The following ZNF407 variants were observed in gnomAD, a reference collection of about 807,000 sequenced individuals.
ZNF407 encodes zinc finger protein 407.
A neutral mutation model predicts 131.2 loss-of-function variants in ZNF407; 17 were observed. That is an observed-to-expected ratio of 0.13 (90% CI 0.09 to 0.19). The LOEUF is 0.19. Ranked by LOEUF, ZNF407 falls within the 10% of genes least tolerant of loss-of-function variation. ZNF407 has a pLI of 1.00. For missense variants in ZNF407, 2,681 were observed against 2,830.6 expected, an observed-to-expected ratio of 0.95 and a Z score of 1.20; for synonymous variants, 1,156 against 1,062.0, an observed-to-expected ratio of 1.09 and a Z score of -1.72.
intron 8 of ZNF407, among the ~76,000 whole-genome samples, chr18:74,993,392 G>A (rs1166952735): frequency 1.3e-5 from 2 of 152,206 alleles, no homozygotes; most frequent in Admixed American, 6.5e-5. Flanking sequence ...AGACACAGAA[G>A]AGTGCACTCT....
chr18:74,637,123 A>T (rs946197121), intron 2 of ZNF407, among the ~76,000 whole-genome samples: 1 of 152,232 alleles, frequency 6.6e-6, no homozygotes, highest in African/African-American at 2.4e-5. Context: ...TAAGTCTTGT[A>T]AATGTGTTAA....
At chr18:75,046,499 G>A (rs762895154) in intron 8 of ZNF407, among the ~76,000 whole-genome samples, 2 of 152,166 alleles carry the variant, frequency 1.3e-5, no homozygotes, top group African/African-American at 2.4e-5. Context: ...ATATTGTGAA[G>A]TTCTTGGGGA....
At chr18:74,772,110 C>T (rs1249280997) in intron 3 of ZNF407, among the ~76,000 whole-genome samples, 1 of 152,130 alleles carries the variant, frequency 6.6e-6, no homozygotes, top group Non-Finnish European at 1.5e-5. Flanking sequence ...AGCTTCTTTG[C>T]CCCATTTTCT....
At chr18:74,964,179 A>T (rs1312247158) in intron 8 of ZNF407, among the ~76,000 whole-genome samples, 1 of 152,212 alleles carries the variant, frequency 6.6e-6, no homozygotes, top group African/African-American at 2.4e-5. Flanking sequence ...TGTCGTGTAC[A>T]TGGATCCCTG....
intron 4 of ZNF407, among the ~76,000 whole-genome samples, chr18:74,837,344 C>T (rs1028664858): frequency 6.6e-6 from 1 of 151,366 alleles, no homozygotes; most frequent in East Asian, 1.9e-4. Flanking sequence ...AAGAATGGAA[C>T]AATATAGAAA....
At chr18:74,839,976 TG>T (rs1401165102) in intron 4 of ZNF407, among the ~76,000 whole-genome samples, 3 of 152,128 alleles carry the variant, frequency 2.0e-5, no homozygotes, top group Non-Finnish European at 4.4e-5. Flanking sequence ...AATTGAGTTT[TG>T]TGGGGAAATT....
At position 74,669,415 on chromosome 18, in the gene ZNF407, G is replaced by A. The variant is rs147903796; in HGVS notation, c.4802+28293G>A. 2.3e-3 allele frequency among the ~76,000 whole-genome samples: 354 copies of A among 152,162 alleles called. 2 individuals are homozygous for A. Among genetic ancestry groups the A allele is most frequent in the African/African-American group, 7.9e-3 (330 of 41,526 alleles). ...GTGGTCCTATGGATCCACTACCAGC[G>A]GTGGTGGGAAGGTACTCCCCCACCC... On this transcript the variant is annotated intron_variant, in intron 3 of 8. Transcript: ENST00000299687.
At chr18:74,838,006 T>G (rs1036187807) in intron 4 of ZNF407, among the ~76,000 whole-genome samples, 11 of 152,194 alleles carry the variant, frequency 7.2e-5, no homozygotes, top group Admixed American at 2.0e-4. Flanking sequence ...CCCTTTACTG[T>G]TCACTACATT....
At chr18:74,911,402 A>G (rs1404433102) in intron 7 of ZNF407, among the ~76,000 whole-genome samples, 2 of 152,234 alleles carry the variant, frequency 1.3e-5, no homozygotes, top group Non-Finnish European at 2.9e-5. Context: ...TGTTAACTGT[A>G]TAGATTCCTT....
chr18:75,004,637 C>T (rs1247048651), intron 8 of ZNF407, among the ~76,000 whole-genome samples: 2 of 152,218 alleles, frequency 1.3e-5, no homozygotes. Context: ...TGGAATTTCA[C>T]CAGGGATGGG....
At chr18:74,970,908 C>T (rs1972465165) in intron 8 of ZNF407, among the ~76,000 whole-genome samples, 1 of 152,262 alleles carries the variant, frequency 6.6e-6, no homozygotes, top group African/African-American at 2.4e-5. Flanking sequence ...CTGCAGCAAA[C>T]TTTTGCCTGG....
At position 74,634,260 on chromosome 18, in the gene ZNF407, G is replaced by A. The variant is rs544079246; in HGVS notation, c.3241G>A (p.Ala1081Thr). 9.3e-5 allele frequency: 150 copies of A among 1,614,062 alleles called. 1 individual carries two copies. In the South Asian group the frequency reaches 1.5e-3, roughly 16 times the overall value. Residue 1081 changes from alanine to threonine, a missense_variant, in exon 2 of 9, where the codon GCT becomes ACT. Physicochemically the swap from Ala to Thr is moderately conservative, Grantham distance 58. Around this residue, in one of 6 missense-constraint regions of ZNF407, gnomAD observed 1,789 missense variants for 1,748.7 expected, o/e 1.02. Coordinates refer to ENST00000299687, the MANE Select transcript of ZNF407 (RefSeq NM_017757.3). The part of the protein sequence containing the change: ...KMKRQSYLNS[A>T]NVEAGSADMS... ...GAAAAGGCAGTCTTATCTCAACTCTGCTAATGTAGAAGCTGGTTCTGCAGA... is the reference window on the plus strand; with the variant it reads ...GAAAAGGCAGTCTTATCTCAACTCTACTAATGTAGAAGCTGGTTCTGCAGA...
At chr18:74,864,785 A>T (rs565429638) in intron 4 of ZNF407, among the ~76,000 whole-genome samples, 1 of 152,352 alleles carries the variant, frequency 6.6e-6, no homozygotes, top group African/African-American at 2.4e-5. Context: ...TAAGATCACA[A>T]TAAGATGAGG....
Position 75,064,214 on chromosome 18 carries a change from G to A in ZNF407, c.6493G>A (p.Glu2165Lys), listed in dbSNP as rs372550273. 1.2e-5 allele frequency: 20 copies of A among 1,605,508 alleles called. No individual in the cohort carries two copies. The highest frequency in any genetic ancestry group is 5.3e-5 in the African/African-American group (4 of 74,804). The change falls in exon 9 of 9, where the codon GAG becomes AAG. Residue 2165 changes from glutamate (E) to lysine (K), a missense_variant. This residue lies in a region of ZNF407 where 620 missense variants were observed against 583.1 expected (regional missense o/e 1.06). Coordinates refer to ENST00000299687, the MANE Select transcript of ZNF407 (RefSeq NM_017757.3). ...MVQESSGGFS[E>K]GTTHYILTEL... ...GCAGGAGTCCAGTGGCGGCTTCTCC[G>A]AGGGCACCACGCACTACATCCTGAC...
intron 3 of ZNF407, among the ~76,000 whole-genome samples, chr18:74,749,835 A>G (rs1968757404): frequency 6.6e-6 from 1 of 152,220 alleles, no homozygotes; most frequent in Non-Finnish European, 1.5e-5. Context: ...ATTCCATTTA[A>G]TACAGGAGGC....
chr18:74,854,024 T>C (rs1017236310), intron 4 of ZNF407, among the ~76,000 whole-genome samples: 12 of 152,204 alleles, frequency 7.9e-5, no homozygotes, highest in Non-Finnish European at 1.6e-4. Flanking sequence ...TAACATTACC[T>C]GTCACATATA....
chr18:74,720,075 A>G (rs73482769), intron 3 of ZNF407, among the ~76,000 whole-genome samples: 2,199 of 152,160 alleles, frequency 0.014, 61 homozygotes, highest in African/African-American at 0.051. Flanking sequence ...AAGAAGAAGA[A>G]GTTCCTTATT....
chr18:74,929,851 T>G (rs1237322583), intron 8 of ZNF407, among the ~76,000 whole-genome samples: 1 of 152,236 alleles, frequency 6.6e-6, no homozygotes, highest in African/African-American at 2.4e-5. Context: ...TATTTCTATT[T>G]GCAGTGAGGA....
chr18:74,831,967 C>G (rs977308167), intron 4 of ZNF407, among the ~76,000 whole-genome samples: 1 of 152,204 alleles, frequency 6.6e-6, no homozygotes, highest in African/African-American at 2.4e-5. Flanking sequence ...CTGACAAGCC[C>G]GCTGTCAGTC....
Sources: gnomAD v4.1 joint callset for allele counts (sites outside exome capture counted in the v4.1 genomes callset) on GRCh38, gnomAD v4.1.1 for gene constraint, gnomAD v4.1.1 regional missense constraint, MANE v1.5 for transcripts, NCBI Gene and HGNC (gene_info 2026-07-23, HGNC 2026-07-21) for gene names.